The following PARD3B variants were observed in gnomAD, a reference collection of about 807,000 sequenced individuals.
The protein encoded by PARD3B is partitioning defective 3 homolog B.
A neutral mutation model predicts 130.2 loss-of-function variants in PARD3B; 103 were observed. That is an observed-to-expected ratio of 0.79 (90% confidence interval 0.67 to 0.93). PARD3B has a LOEUF of 0.93. Ranked by LOEUF, PARD3B falls within the 40% of genes least tolerant of loss-of-function variation. PARD3B has a pLI of 0.00. For synonymous variants in PARD3B, 583 were observed against 553.2 expected (o/e 1.05, Z -0.76); for missense variants, 1,609 against 1,499.2 (o/e 1.07, Z -1.21).
intron 2 of PARD3B, among the ~76,000 whole-genome samples, chr2:204,955,935 A>G (rs996522784): frequency 6.6e-6 from 1 of 152,196 alleles, no homozygotes; most frequent in Non-Finnish European, 1.5e-5. Context: ...TGGCAGACTT[A>G]AACTTTATTT....
intron 18 of PARD3B, among the ~76,000 whole-genome samples, chr2:205,387,678 C>G (rs2045710362): frequency 6.6e-6 from 1 of 152,118 alleles, no homozygotes; most frequent in Non-Finnish European, 1.5e-5. Context: ...TCAAATATGA[C>G]TGTAATGTTT....
At position 205,263,191 on chromosome 2, in the gene PARD3B, G is replaced by GT. The variant is rs143645840; in HGVS notation, c.2185+17371dup. 6.6e-6 allele frequency among the ~76,000 whole-genome samples: 1 copy of GT among 152,140 alleles called. No homozygotes were observed. Among genetic ancestry groups the GT allele is most frequent in the East Asian group, 1.9e-4 (1 of 5,166 alleles). On this transcript the variant is annotated intron_variant, in intron 16 of 22. Transcript: ENST00000406610. The surrounding 1 kb of genome is among the most constrained non-coding windows in gnomAD (Gnocchi z 4.0). ...ACCCAACTATTTATTTCAGAGCCTT[G>GT]TTCTATTAGTTAATGGTTCTTTCTC...
chr2:205,156,190 C>T (rs1176352082), intron 10 of PARD3B, among the ~76,000 whole-genome samples: 2 of 141,180 alleles, frequency 1.4e-5, no homozygotes, highest in Non-Finnish European at 1.5e-5. Flanking sequence ...CATGTTCTCA[C>T]TCATAGGTGG....
At chr2:205,303,341 A>AT (rs1268283187) in intron 18 of PARD3B, among the ~76,000 whole-genome samples, 11 of 152,094 alleles carry the variant, frequency 7.2e-5, no homozygotes, top group Non-Finnish European at 1.2e-4. Context: ...ACTTTTGTGG[A>AT]TTTTTTAGAG....
intron 2 of PARD3B, among the ~76,000 whole-genome samples, chr2:204,919,040 A>G (rs1171789388): frequency 6.6e-6 from 1 of 152,180 alleles, no homozygotes; most frequent in Non-Finnish European, 1.5e-5. Flanking sequence ...ATAAGTATGC[A>G]GTGAAGACCC....
chr2:205,284,971 A>G (rs2041334454), intron 16 of PARD3B, among the ~76,000 whole-genome samples: 1 of 142,558 alleles, frequency 7.0e-6, no homozygotes, highest in Admixed American at 7.5e-5. Context: ...TCAAAAGTTG[A>G]TTTTAAAATA....
chr2:205,152,271 C>A (rs1180804061), intron 10 of PARD3B, among the ~76,000 whole-genome samples: 1 of 152,052 alleles, frequency 6.6e-6, no homozygotes, highest in African/African-American at 2.4e-5. Flanking sequence ...ATCTTTGTGG[C>A]GTTCTCTGTA....
chr2:205,557,373 C>T (rs1471732857), intron 22 of PARD3B, among the ~76,000 whole-genome samples: 1 of 152,284 alleles, frequency 6.6e-6, no homozygotes, highest in South Asian at 2.1e-4. Context: ...GACTAAACTC[C>T]CCAAGCCCAG....
intron 20 of PARD3B, among the ~76,000 whole-genome samples, chr2:205,485,806 G>A (rs1172148044): frequency 6.6e-6 from 1 of 152,076 alleles, no homozygotes; most frequent in Admixed American, 6.6e-5. Context: ...CCTTCCAGCT[G>A]GCATGCCCAG....
intron 3 of PARD3B, among the ~76,000 whole-genome samples, chr2:204,982,839 C>A (rs1692790535): frequency 6.6e-6 from 1 of 152,080 alleles, no homozygotes; most frequent in East Asian, 1.9e-4. Context: ...AAAAAGTAAT[C>A]TATTTTATGA....
chr2:205,364,846 G>T (rs1289163735), intron 18 of PARD3B, among the ~76,000 whole-genome samples: 1 of 152,158 alleles, frequency 6.6e-6, no homozygotes, highest in Non-Finnish European at 1.5e-5. Flanking sequence ...CAAGAAGCAT[G>T]GAAGGTTGCT....
At chr2:205,109,285 A>G (rs902626539) in intron 5 of PARD3B, among the ~76,000 whole-genome samples, 1 of 152,214 alleles carries the variant, frequency 6.6e-6, no homozygotes, top group African/African-American at 2.4e-5. Flanking sequence ...CGCCTCTCAT[A>G]CTATTGCATG....
chr2:205,481,666 C>A (rs1194595575), intron 20 of PARD3B, among the ~76,000 whole-genome samples: 1 of 152,192 alleles, frequency 6.6e-6, no homozygotes, highest in Non-Finnish European at 1.5e-5. Context: ...TAAATAAAAA[C>A]TCACTTTGCT....
intron 2 of PARD3B, among the ~76,000 whole-genome samples, chr2:204,740,993 G>T (rs1385981388): frequency 6.6e-6 from 1 of 152,060 alleles, no homozygotes; most frequent in Non-Finnish European, 1.5e-5. Context: ...TAGATGGATG[G>T]AAAAATAATA....
chr2:204,744,048 C>T (rs1365481090), intron 2 of PARD3B, among the ~76,000 whole-genome samples: 1 of 152,176 alleles, frequency 6.6e-6, no homozygotes, highest in Admixed American at 6.6e-5. Flanking sequence ...GAAGCTAGAT[C>T]TGGCCCCTTT....
chr2:205,036,866 AAAG>A (rs1335539706), intron 3 of PARD3B, among the ~76,000 whole-genome samples: 1 of 151,624 alleles, frequency 6.6e-6, no homozygotes, highest in African/African-American at 2.4e-5. Context: ...CTGTATATGT[AAAG>A]AACATATGTA....
At chr2:205,324,153 G>A (rs573767633) in intron 18 of PARD3B, among the ~76,000 whole-genome samples, 89 of 152,136 alleles carry the variant, frequency 5.9e-4, no homozygotes, top group Non-Finnish European at 1.1e-3. Context: ...CTGGCCATTA[G>A]GTGTTGCTAC....
chr2:205,164,901 T>C (rs1223170994), intron 11 of PARD3B, among the ~76,000 whole-genome samples: 1 of 149,254 alleles, frequency 6.7e-6, no homozygotes, highest in Non-Finnish European at 1.5e-5. Context: ...CAAATAAAAC[T>C]CTGACCACAG....
At position 205,301,473 on chromosome 2, in the gene PARD3B, C is replaced by T; in HGVS notation, c.2402C>T (p.Ser801Phe). ...GPEEIEADGLSDKSSHSGQGA... is the reference protein window; with the variant it reads ...GPEEIEADGLFDKSSHSGQGA... Reference sequence around the variant, plus strand: ...TTTTTTCTCTGTACAGACGGTCTGTCTGATAAGAGCTCTCACTCTGGCCAA... The same window carrying T: ...TTTTTTCTCTGTACAGACGGTCTGTTTGATAAGAGCTCTCACTCTGGCCAA... Residue 801 changes from serine (S) to phenylalanine (F), a missense_variant, in exon 18 of 23, where the codon TCT becomes TTT. Coordinates refer to ENST00000406610, the MANE Select transcript of PARD3B (RefSeq NM_001302769.2). The surrounding 1 kb of genome is among the most constrained non-coding windows in gnomAD (Gnocchi z 5.2). The T allele has an allele frequency of 6.2e-7, 1 of 1,611,332 alleles. No homozygotes were observed. Among genetic ancestry groups the T allele is most frequent in the Non-Finnish European group, 8.5e-7 (1 of 1,179,246 alleles).
Sources: gnomAD v4.1 joint callset for allele counts (sites outside exome capture counted in the v4.1 genomes callset) on GRCh38, gnomAD v4.1.1 for gene constraint, Gnocchi (gnomAD v3.1) non-coding constraint, MANE v1.5 for transcripts, NCBI Gene and HGNC (gene_info 2026-07-23, HGNC 2026-07-21) for gene names.